Variants in AEBP2 observed in about 807,000 individuals in gnomAD.
The protein encoded by AEBP2 is zinc finger protein AEBP2.
AEBP2 carries 10 observed loss-of-function variants against 50.8 expected under a neutral mutation model. The ratio of observed to expected loss-of-function variants is 0.20; its 90% CI spans 0.12 to 0.33. The LOEUF is 0.33. AEBP2 is among the 10% of genes least tolerant of loss of function. AEBP2 has a pLI of 1.00. For missense variants in AEBP2, 570 were observed against 688.0 expected, an observed-to-expected ratio of 0.83 and a Z score of 1.92; for synonymous variants, 296 against 261.3, an observed-to-expected ratio of 1.13 and a Z score of -1.28.
At chr12:19,457,103 T>A (rs1948282574) in intron 1 of AEBP2, 1 of 1,601,922 alleles carries the variant, frequency 6.2e-7, no homozygotes, top group Admixed American at 1.7e-5. Flanking sequence ...ATTTTCTTAA[T>A]TTAAGTGTTG....
intron 1 of AEBP2, among the ~76,000 whole-genome samples, chr12:19,431,040 A>G (rs1315834395): frequency 6.6e-6 from 1 of 151,928 alleles, no homozygotes; most frequent in Non-Finnish European, 1.5e-5. Flanking sequence ...AAATTATTTA[A>G]GGATTATTTA....
At chr12:19,462,440 AAT>A (rs1948395955) in intron 1 of AEBP2, 68 bp from the exon 2 acceptor site, 1 of 1,290,896 alleles carries the variant, frequency 7.7e-7, no homozygotes, top group Non-Finnish European at 1.1e-6. Context: ...ATCTTAATTA[AAT>A]ATTTATAAGA....
chr12:19,466,011 C>T (rs916018990), intron 2 of AEBP2, among the ~76,000 whole-genome samples: 3 of 151,628 alleles, frequency 2.0e-5, no homozygotes, highest in Admixed American at 6.6e-5. Context: ...AGGCTGGTCT[C>T]GAACTCCTGA....
chr12:19,445,896 T>G (rs1948054476), intron 1 of AEBP2: 1 of 152,206 alleles, frequency 6.6e-6, no homozygotes, highest in Non-Finnish European at 1.5e-5. Context: ...TATAACTAGC[T>G]TTCTTTTTTT....
chr12:19,471,630 C>T (rs1039919326), intron 2 of AEBP2, among the ~76,000 whole-genome samples: 1 of 152,008 alleles, frequency 6.6e-6, no homozygotes, highest in African/African-American at 2.4e-5. Flanking sequence ...GCTGCTAGCC[C>T]TATGCCCCAC....
intron 3 of AEBP2, among the ~76,000 whole-genome samples, chr12:19,490,133 G>C (rs930218592): frequency 3.4e-5 from 5 of 149,076 alleles, no homozygotes; most frequent in African/African-American, 1.2e-4. Flanking sequence ...GCGTGCACTT[G>C]GACTAAAATA....
intron 1 of AEBP2, among the ~76,000 whole-genome samples, chr12:19,431,560 C>T (rs766122226): frequency 1.3e-5 from 2 of 152,170 alleles, no homozygotes; most frequent in African/African-American, 2.4e-5. Context: ...GTGAGAACTA[C>T]TAATACTACA....
intron 3 of AEBP2, among the ~76,000 whole-genome samples, chr12:19,492,075 T>C (rs1231059115): frequency 6.6e-6 from 1 of 152,174 alleles, no homozygotes; most frequent in East Asian, 1.9e-4. Flanking sequence ...AGATGAACTT[T>C]TACAAGATGA....
intron 1 of AEBP2, among the ~76,000 whole-genome samples, chr12:19,442,989 A>T (rs1947990150): frequency 6.6e-6 from 1 of 152,200 alleles, no homozygotes; most frequent in African/African-American, 2.4e-5. Context: ...TTCCTATTAC[A>T]AAGATTCTAT....
In AEBP2 at chr12:19,519,586, C is replaced by T. The variant is rs1949370287; in HGVS notation, c.*1469C>T. ...TATGTGGTTATATGCAGTGAAACTG[C>T]AGAAAATACTCCTGGTTGAGGAGTT... On this transcript the variant is annotated 3_prime_UTR_variant, in exon 8 of 8. Transcript: ENST00000266508. 6.6e-6 allele frequency: 1 copy of T among 152,546 alleles called. No individual in the cohort carries two copies. The highest frequency in any genetic ancestry group is 2.1e-4 in the South Asian group (1 of 4,826). The allele number at this position is 152,546 out of a possible 1,614,324, so 9.4% of individuals were successfully genotyped here. A position where few individuals can be genotyped will look rare whatever the true frequency, so the allele number is the denominator to read the frequency against.
intron 1 of AEBP2, among the ~76,000 whole-genome samples, chr12:19,424,750 A>G (rs1192222320): frequency 1.3e-5 from 2 of 152,052 alleles, no homozygotes; most frequent in Non-Finnish European, 2.9e-5. Context: ...GCTCACACCT[A>G]CAATCCCAGC....
chr12:19,506,568 T>C (rs1433116086), intron 5 of AEBP2, among the ~76,000 whole-genome samples: 1 of 152,222 alleles, frequency 6.6e-6, no homozygotes, highest in African/African-American at 2.4e-5. Flanking sequence ...TCCAGCACTC[T>C]GAAGTTTTCT....
chr12:19,511,328 T>G (rs545624899), intron 5 of AEBP2, among the ~76,000 whole-genome samples: 2 of 152,308 alleles, frequency 1.3e-5, no homozygotes, highest in South Asian at 4.1e-4. Flanking sequence ...GAGTTGGTTG[T>G]TCCATTAAGT....
rs1715624553 is a variant in AEBP2 at position 19,521,034 on chromosome 12, G to A, written c.*2917G>A. On this transcript the variant is annotated 3_prime_UTR_variant, in exon 8 of 8. Coordinates refer to ENST00000266508, the MANE Select transcript of AEBP2 (RefSeq NM_153207.5). ...ATGTTTAGTCTTGGATCGCATTTCT[G>A]AGTCTCATTATGTATATGCAGATAC... is the stretch of plus-strand genomic sequence containing the variant. The A allele has an allele frequency of 6.6e-6, 1 of 152,096 alleles. No individual in the cohort carries two copies. Among genetic ancestry groups the A allele is most frequent in the Admixed American group, 6.5e-5 (1 of 15,268 alleles). The allele number at this position is 152,096 out of a possible 1,614,324, so 9.4% of individuals were successfully genotyped here.
At chr12:19,410,378 T>G (rs2095738645) in intron 1 of AEBP2, among the ~76,000 whole-genome samples, 1 of 152,158 alleles carries the variant, frequency 6.6e-6, no homozygotes, top group African/African-American at 2.4e-5. Flanking sequence ...CTTCATTACA[T>G]CAGAGGTTTG....
intron 3 of AEBP2, among the ~76,000 whole-genome samples, chr12:19,490,837 C>G (rs1312146409): frequency 6.6e-6 from 1 of 152,110 alleles, no homozygotes; most frequent in East Asian, 1.9e-4. Context: ...CCACTTCACA[C>G]TCACTAGGAT....
intron 2 of AEBP2, among the ~76,000 whole-genome samples, chr12:19,468,842 G>A (rs1592743801): frequency 6.6e-6 from 1 of 152,162 alleles, no homozygotes; most frequent in Non-Finnish European, 1.5e-5. Flanking sequence ...TCAACAGAAA[G>A]CCAAAACCTC....
At chr12:19,438,015 GCT>G (rs1947879615), upstream of AEBP2, among the ~76,000 whole-genome samples, 1 of 152,182 alleles carries the variant, frequency 6.6e-6, no homozygotes, top group Admixed American at 6.5e-5. Context: ...TGTAATGTGG[GCT>G]CTTTTCCAGT....
intron 7 of AEBP2, among the ~76,000 whole-genome samples, chr12:19,516,756 G>A (rs1280184425): frequency 6.6e-6 from 1 of 152,144 alleles, no homozygotes; most frequent in Non-Finnish European, 1.5e-5. Context: ...GCCCGGTGAG[G>A]TGGTTCACGC....
Sources: allele counts gnomAD v4.1 joint callset (sites outside exome capture counted in the v4.1 genomes callset), GRCh38; gene constraint gnomAD v4.1.1; transcripts MANE v1.5; gene names NCBI Gene and HGNC (gene_info 2026-07-23, HGNC 2026-07-21).